The following PBX3 variants were observed in gnomAD, a reference collection of about 807,000 sequenced individuals.
PBX3 encodes pre-B-cell leukemia transcription factor 3.
In PBX3, 14 loss-of-function variants were observed where a neutral mutation model predicts 48.5. That is an observed-to-expected ratio of 0.29 (90% confidence interval 0.19 to 0.45). The LOEUF (loss-of-function observed/expected upper bound fraction) is 0.45. Among genes scored for constraint, PBX3 ranks in the 20% least tolerant of loss-of-function variants. The pLI, the probability that PBX3 is intolerant of heterozygous loss-of-function variation, is 1.00. For synonymous variants in PBX3, 210 were observed against 200.3 expected (o/e 1.05, Z -0.41); for missense variants, 386 against 546.7 (o/e 0.71, Z 2.93).
intron 2 of PBX3, among the ~76,000 whole-genome samples, chr9:125,791,301 G>GTCTGTCTGTCTATCTATCTATCTA (rs1179896723): frequency 2.2e-4 from 24 of 109,018 alleles, no homozygotes; most frequent in East Asian, 2.1e-3. Flanking sequence ...CTGTCTGTCT[G>GTCTGTCTGTCTATCTATCTATCTA]TCTATCTATC....
intron 2 of PBX3, among the ~76,000 whole-genome samples, chr9:125,771,943 C>T (rs1026948172): frequency 6.6e-6 from 1 of 152,004 alleles, no homozygotes; most frequent in African/African-American, 2.4e-5. Context: ...ACCAGGGGGA[C>T]CCCAGTGTGA....
At chr9:125,874,450 G>A (rs1840201493) in intron 2 of PBX3, among the ~76,000 whole-genome samples, 1 of 152,114 alleles carries the variant, frequency 6.6e-6, no homozygotes, top group Non-Finnish European at 1.5e-5. Flanking sequence ...TGTTGCCAAA[G>A]TGAGTCCAGC....
intron 3 of PBX3, among the ~76,000 whole-genome samples, chr9:125,921,538 A>C (rs1356765791): frequency 6.6e-6 from 1 of 152,186 alleles, no homozygotes; most frequent in Non-Finnish European, 1.5e-5. Context: ...AACTTAACAT[A>C]CATTATATAA....
intron 2 of PBX3, among the ~76,000 whole-genome samples, chr9:125,789,490 C>G (rs1163115800): frequency 6.6e-6 from 1 of 152,178 alleles, no homozygotes; most frequent in Non-Finnish European, 1.5e-5. Flanking sequence ...CAGTTCTTCC[C>G]TACTTGGGCC....
At chr9:125,815,393 T>C (rs1453344143) in intron 2 of PBX3, among the ~76,000 whole-genome samples, 1 of 152,188 alleles carries the variant, frequency 6.6e-6, no homozygotes, top group African/African-American at 2.4e-5. Flanking sequence ...GTATATCATT[T>C]TTCCATGGTA....
chr9:125,840,627 A>G (rs1466212807), intron 2 of PBX3, among the ~76,000 whole-genome samples: 1 of 151,892 alleles, frequency 6.6e-6, no homozygotes, highest in African/African-American at 2.4e-5. Context: ...CTGTAATTTT[A>G]TAACACTAGT....
chr9:125,877,783 C>T lies in PBX3; in HGVS notation c.275-37903C>T, dbSNP rs147894852. Among the ~76,000 whole-genome samples the T allele has an allele frequency of 2.8e-4, 43 of 152,316 alleles. No homozygotes were observed. In the East Asian group the frequency reaches 8.1e-3, roughly 29 times the overall value. On this transcript the variant is annotated intron_variant, in intron 2 of 8. Transcript: ENST00000373489. ...GTATCATCGTTAATATCATCATCAA[C>T]AACATCAACAATTACTGAGTACCTA... is the stretch of plus-strand genomic sequence containing the variant.
chr9:125,841,034 A>G (rs1839276317), intron 2 of PBX3, among the ~76,000 whole-genome samples: 1 of 152,264 alleles, frequency 6.6e-6, no homozygotes, highest in South Asian at 2.1e-4. Flanking sequence ...TTAAATTATT[A>G]TGTACTAACA....
chr9:125,809,683 A>G (rs1838230761), intron 2 of PBX3, among the ~76,000 whole-genome samples: 1 of 152,202 alleles, frequency 6.6e-6, no homozygotes, highest in African/African-American at 2.4e-5. Flanking sequence ...AAAAATCACA[A>G]TCATAAAGGA....
At chr9:125,788,691 A>C (rs899414465) in intron 2 of PBX3, among the ~76,000 whole-genome samples, 4 of 152,048 alleles carry the variant, frequency 2.6e-5, no homozygotes, top group African/African-American at 9.7e-5. Flanking sequence ...TGGGTAACAC[A>C]GTGAAACCCC....
intron 5 of PBX3, among the ~76,000 whole-genome samples, chr9:125,939,760 A>G (rs887250216): frequency 6.6e-6 from 1 of 152,254 alleles, no homozygotes; most frequent in African/African-American, 2.4e-5. Flanking sequence ...AGAATGATCT[A>G]CAAGTATCAA....
chr9:125,896,490 A>G (rs1481399794), intron 2 of PBX3, among the ~76,000 whole-genome samples: 1 of 152,038 alleles, frequency 6.6e-6, no homozygotes, highest in Non-Finnish European at 1.5e-5. Flanking sequence ...TCTTTCCCGC[A>G]TATTGTGATA....
At chr9:125,963,131 G>T in intron 8 of PBX3, 30 bp downstream of exon 8, 1 of 1,251,970 alleles carries the variant, frequency 8.0e-7, no homozygotes, top group Non-Finnish European at 1.2e-6. Flanking sequence ...AGCTGTAGGA[G>T]AACAGTGTCA....
rs1342125938 is a variant in PBX3, at chr9:125,915,913, G to A, written c.502G>A (p.Glu168Lys). ...QIRQIYHTEL[E>K]KYEQACNEFT... The stretch of plus-strand genomic sequence containing the variant: ...CAGACAAATCTATCACACAGAACTG[G>A]AGAAATATGAACAGGTCAGCAGCCG... The change falls in exon 3 of 9, where the codon GAG becomes AAG. Residue 168 changes from glutamate (E) to lysine (K), a missense_variant. Glu to Lys is a moderately conservative substitution (Grantham distance 56). Transcript: ENST00000373489. 3 of 1,613,344 alleles carry A rather than the reference G, an allele frequency of 1.9e-6. No homozygotes were observed. Among genetic ancestry groups the A allele is most frequent in the Non-Finnish European group, 2.5e-6 (3 of 1,179,924 alleles).
chr9:125,788,942 C>G (rs1364255528), intron 2 of PBX3, among the ~76,000 whole-genome samples: 1 of 150,578 alleles, frequency 6.6e-6, no homozygotes, highest in East Asian at 1.9e-4. Flanking sequence ...TTTCTCTTTC[C>G]TCCCCACACT....
chr9:125,949,354 T>C, intron 5 of PBX3: 9 of 1,550,436 alleles, frequency 5.8e-6, no homozygotes, highest in African/African-American at 1.4e-5. Context: ...CCATTCAACC[T>C]ACATTTTCTT....
chr9:125,773,721 C>T (rs554292391), intron 2 of PBX3, among the ~76,000 whole-genome samples: 3 of 151,982 alleles, frequency 2.0e-5, no homozygotes, highest in Non-Finnish European at 2.9e-5. Flanking sequence ...ACTGCGGGGT[C>T]GTAGCATATG....
At chr9:125,813,886 C>T (rs372194991) in intron 2 of PBX3, among the ~76,000 whole-genome samples, 14 of 149,924 alleles carry the variant, frequency 9.3e-5, no homozygotes, top group South Asian at 2.2e-4. Context: ...GTATGTCGGC[C>T]GGGCACGGTG....
At chr9:125,933,515 G>A (rs1339226984) in intron 4 of PBX3, among the ~76,000 whole-genome samples, 1 of 152,052 alleles carries the variant, frequency 6.6e-6, no homozygotes, top group African/African-American at 2.4e-5. Flanking sequence ...TTCATACGTC[G>A]CTATTTCCCA....
Sources: gnomAD v4.1 joint callset for allele counts (sites outside exome capture counted in the v4.1 genomes callset) on GRCh38, gnomAD v4.1.1 for gene constraint, MANE v1.5 for transcripts, NCBI Gene and HGNC (gene_info 2026-07-23, HGNC 2026-07-21) for gene names.